Variants in TTC17 observed in about 807,000 individuals in gnomAD.
TTC17 encodes the protein tetratricopeptide repeat protein 17.
Under a neutral mutation model 143.8 loss-of-function variants are expected in TTC17, and 58 were observed. The observed-to-expected ratio is 0.40, with a 90% CI of 0.33 to 0.50. The LOEUF is 0.50. TTC17 is among the 20% of genes least tolerant of loss of function. The pLI is 0.49. For synonymous variants in TTC17, 501 were observed against 497.8 expected (o/e 1.01, Z -0.09); for missense variants, 1,273 against 1,392.5 (o/e 0.91, Z 1.37).
chr11:43,433,758 A>G (rs1047277522), intron 16 of TTC17, among the ~76,000 whole-genome samples: 2 of 152,196 alleles, frequency 1.3e-5, no homozygotes, highest in Non-Finnish European at 2.9e-5. Flanking sequence ...CAGAAAACAC[A>G]GAGTTTCACT....
At chr11:43,365,139 C>G (rs1856281553) in intron 1 of TTC17, among the ~76,000 whole-genome samples, 1 of 152,000 alleles carries the variant, frequency 6.6e-6, no homozygotes, top group Non-Finnish European at 1.5e-5. Context: ...GTCACTCTGT[C>G]ACCCAGGCTA....
intron 8 of TTC17, 124 bp downstream of exon 8, chr11:43,398,237 A>G: frequency 8.3e-7 from 1 of 1,204,954 alleles, no homozygotes; most frequent in African/African-American, 1.5e-5. Flanking sequence ...CACTACTGCA[A>G]GTCCTATCCT....
intron 1 of TTC17, among the ~76,000 whole-genome samples, chr11:43,365,376 C>T (rs1035819642): frequency 6.6e-6 from 1 of 151,734 alleles, no homozygotes; most frequent in Non-Finnish European, 1.5e-5. Context: ...TCAAGTGATC[C>T]TCCCGCCTCA....
chr11:43,438,424 C>T (rs374504726), intron 16 of TTC17, among the ~76,000 whole-genome samples: 15 of 152,164 alleles, frequency 9.9e-5, no homozygotes, highest in African/African-American at 3.1e-4. Flanking sequence ...CTCCCAAATG[C>T]ATGAGCCACA....
chr11:43,473,808 G>A (rs1948133409), intron 21 of TTC17, among the ~76,000 whole-genome samples: 1 of 151,734 alleles, frequency 6.6e-6, no homozygotes, highest in Non-Finnish European at 1.5e-5. Context: ...CACTTGAACT[G>A]GGAGGCGGAG....
chr11:43,456,052 T>C (rs1432237497), intron 21 of TTC17, among the ~76,000 whole-genome samples: 1 of 152,194 alleles, frequency 6.6e-6, no homozygotes, highest in African/African-American at 2.4e-5. Context: ...TGGAAACCGT[T>C]AATATCCTTC....
At chr11:43,456,728 C>T (rs181371197) in intron 21 of TTC17, among the ~76,000 whole-genome samples, 1 of 152,054 alleles carries the variant, frequency 6.6e-6, no homozygotes, top group Non-Finnish European at 1.5e-5. Flanking sequence ...CTGGCCTTAG[C>T]GTAGGGAGAA....
At chr11:43,442,003 T>C (rs1947432551) in intron 16 of TTC17, among the ~76,000 whole-genome samples, 1 of 152,046 alleles carries the variant, frequency 6.6e-6, no homozygotes, top group Non-Finnish European at 1.5e-5. Context: ...CATCATAGAG[T>C]GTACTGTACT....
chr11:43,465,073 G>A (rs1295347703), intron 21 of TTC17, among the ~76,000 whole-genome samples: 4 of 152,186 alleles, frequency 2.6e-5, no homozygotes, highest in Non-Finnish European at 4.4e-5. Flanking sequence ...CTGGAGATTG[G>A]TGCCTTTTAA....
intron 16 of TTC17, among the ~76,000 whole-genome samples, chr11:43,419,316 G>T (rs181306050): frequency 6.6e-6 from 1 of 152,310 alleles, no homozygotes; most frequent in East Asian, 1.9e-4. Flanking sequence ...AATCATATAC[G>T]TGAGATTTAA....
chr11:43,440,375 T>C (rs894932555), intron 16 of TTC17, among the ~76,000 whole-genome samples: 1 of 152,234 alleles, frequency 6.6e-6, no homozygotes, highest in East Asian at 1.9e-4. Flanking sequence ...ATTGTCTTTA[T>C]AAATATCATT....
chr11:43,471,826 A>G (rs1032941769), intron 21 of TTC17, among the ~76,000 whole-genome samples: 2 of 152,246 alleles, frequency 1.3e-5, no homozygotes, highest in East Asian at 3.8e-4. Flanking sequence ...AAAAGGAGTA[A>G]TAAACATTTG....
At chr11:43,493,708 A>C (rs569258887) in intron 23 of TTC17, 65 bp from the exon 24 acceptor site, 4 of 1,609,734 alleles carry the variant, frequency 2.5e-6, no homozygotes, top group Non-Finnish European at 3.4e-6. Context: ...GAGAAAAAAG[A>C]GGTCACAGTA....
intron 1 of TTC17, chr11:43,370,082 T>C (rs927286915): frequency 1.0e-4 from 47 of 455,728 alleles, no homozygotes; most frequent in Non-Finnish European, 2.0e-4. Flanking sequence ...TTGACAGTTA[T>C]AGCCAGGAGC....
At chr11:43,383,196 C>T (rs1857039697) in intron 2 of TTC17, among the ~76,000 whole-genome samples, 1 of 151,892 alleles carries the variant, frequency 6.6e-6, no homozygotes, top group Admixed American at 6.6e-5. Context: ...CATGTCTGGC[C>T]CCAGTTTCTT....
chr11:43,441,269 C>CTA (rs1554996697), intron 16 of TTC17, among the ~76,000 whole-genome samples: 53 of 149,646 alleles, frequency 3.5e-4, no homozygotes, highest in African/African-American at 1.1e-3. Context: ...GAACAAGACT[C>CTA]TATCTCAAAA....
intron 16 of TTC17, among the ~76,000 whole-genome samples, chr11:43,419,022 A>G (rs1279477814): frequency 2.6e-5 from 4 of 152,314 alleles, no homozygotes; most frequent in Non-Finnish European, 4.4e-5. Flanking sequence ...CATAAAACCA[A>G]TAGGTTCTAT....
chr11:43,462,809 A>G (rs1947893008), intron 21 of TTC17, among the ~76,000 whole-genome samples: 1 of 152,206 alleles, frequency 6.6e-6, no homozygotes, highest in African/African-American at 2.4e-5. Context: ...GTAGATTTGA[A>G]TAAAATTATA....
intron 2 of TTC17, among the ~76,000 whole-genome samples, chr11:43,382,553 A>ATTAT (rs1403843991): frequency 2.6e-5 from 4 of 152,256 alleles, no homozygotes; most frequent in African/African-American, 9.6e-5. Flanking sequence ...TTAAAAACTT[A>ATTAT]AGGATGTTGC....
Sources: gnomAD v4.1 joint callset for allele counts (sites outside exome capture counted in the v4.1 genomes callset) on GRCh38, gnomAD v4.1.1 for gene constraint, MANE v1.5 for transcripts, NCBI Gene and HGNC (gene_info 2026-07-23, HGNC 2026-07-21) for gene names.